Variants in SUPT4H1 observed in about 807,000 individuals in gnomAD.
SUPT4H1 encodes the protein transcription elongation factor SPT4.
Under a neutral mutation model 19.4 loss-of-function variants are expected in SUPT4H1, and 12 were observed. That is an observed-to-expected ratio of 0.62 (90% CI 0.40 to 1.00). SUPT4H1 has a LOEUF of 1.00. Among genes scored for constraint, SUPT4H1 ranks in the 50% least tolerant of loss-of-function variants. The pLI is 0.00. For missense variants in SUPT4H1, 115 were observed against 149.2 expected (o/e 0.77, Z 1.19); for synonymous variants, 58 against 56.3 (o/e 1.03, Z -0.14).
At chr17:58,347,947 G>T (rs960700071) in intron 2 of SUPT4H1, among the ~76,000 whole-genome samples, 1 of 152,186 alleles carries the variant, frequency 6.6e-6, no homozygotes, top group African/African-American at 2.4e-5. Context: ...GAGGGTGAGT[G>T]AAAACAACGG....
In SUPT4H1 at chr17:58,352,175, C is replaced by T. The variant is rs375135052; in HGVS notation, c.-40G>A. 1.1e-5 allele frequency: 18 copies of T among 1,597,486 alleles called. No individual in the cohort carries two copies. Among genetic ancestry groups the T allele is most frequent in the Non-Finnish European group, 1.4e-5 (16 of 1,165,366 alleles). On this transcript the variant is annotated 5_prime_UTR_variant, in exon 1 of 5. The change creates a new upstream start codon in the 5' untranslated region. Coordinates refer to ENST00000225504, the MANE Select transcript of SUPT4H1 (RefSeq NM_003168.3). ...AGAACAACAGGGAGATAGACGACCA[C>T]AGCCTGTGCACCCGCAGGAAGTAAA...
At chr17:58,346,372 C>A in intron 4 of SUPT4H1, 59 bp from the exon 5 acceptor site, 2 of 1,433,664 alleles carry the variant, frequency 1.4e-6, no homozygotes, top group African/African-American at 2.8e-5. Flanking sequence ...AGATAGGCCA[C>A]TCAGCTGCCA....
chr17:58,351,438 T>A lies in SUPT4H1; in HGVS notation c.140A>T (p.Glu47Val). Reference protein sequence around the residue: ...DAYLQMKGNREMVYDCTSSSF... With the variant: ...DAYLQMKGNRVMVYDCTSSSF... ...AGAGCTAGTGCAGTCATATACCATC[T>A]CTCGGTTACCCTTCATTTGTAGATA... Residue 47 changes from glutamate to valine, a missense_variant, in exon 2 of 5, where the codon GAG becomes GTG. By Grantham distance (121) the Glu-to-Val change is moderately radical. Transcript: ENST00000225504. The A allele has an allele frequency of 6.2e-7, 1 of 1,613,932 alleles. No homozygotes were observed. Among genetic ancestry groups the A allele is most frequent in the Middle Eastern group, 1.7e-4 (1 of 6,046 alleles).
intron 2 of SUPT4H1, 147 bp downstream of exon 2, chr17:58,351,255 A>C (rs1248952820): frequency 7.3e-6 from 2 of 274,024 alleles, no homozygotes; most frequent in Non-Finnish European, 1.3e-5. Context: ...CTGATTCAAA[A>C]AAAAAAAAAA....
chr17:58,349,793 G>C (rs1354536118), intron 2 of SUPT4H1, among the ~76,000 whole-genome samples: 2 of 152,148 alleles, frequency 1.3e-5, no homozygotes, highest in East Asian at 3.8e-4. Context: ...AAATGCTACT[G>C]AATGAGCCCA....
At chr17:58,348,603 A>T (rs553672703) in intron 2 of SUPT4H1, among the ~76,000 whole-genome samples, 2 of 152,306 alleles carry the variant, frequency 1.3e-5, no homozygotes, top group South Asian at 4.1e-4. Context: ...GGGTCCCTAC[A>T]GCCCAACCTT....
chr17:58,351,572 T>A (rs1192745678), intron 1 of SUPT4H1, 64 bp from the exon 2 acceptor site: 3 of 1,187,952 alleles, frequency 2.5e-6, no homozygotes, highest in African/African-American at 3.0e-5. Context: ...AGAGAAAAAG[T>A]AGCTTTCTCA....
rs1407495200 is a variant in SUPT4H1, at chr17:58,346,153, G to C, written c.*93C>G. On this transcript the variant is annotated 3_prime_UTR_variant, in exon 5 of 5. Coordinates refer to ENST00000225504, the MANE Select transcript of SUPT4H1 (RefSeq NM_003168.3). ...CAGCTGAGTCTGAATTGGAGGGTAG[G>C]AAGTATTTGAAGTTCTGTTCATTTA... is the stretch of plus-strand genomic sequence containing the variant. 9 of 991,976 alleles carry C rather than the reference G, an allele frequency of 9.1e-6. No homozygotes were observed. The highest frequency in any genetic ancestry group is 1.6e-5 in the African/African-American group (1 of 62,860). The allele number at this position is 991,976 out of a possible 1,614,324, so 61.4% of individuals were successfully genotyped here. A position where few individuals can be genotyped will look rare whatever the true frequency, so the allele number is the denominator to read the frequency against.
intron 2 of SUPT4H1, 143 bp from the exon 3 acceptor site, chr17:58,347,727 T>C (rs1228380289): frequency 1.3e-6 from 1 of 770,494 alleles, no homozygotes; most frequent in Non-Finnish European, 2.2e-6. Context: ...GGGATGAGGC[T>C]GACTCAAAGC....
At chr17:58,347,439 A>T (rs1190642165) in intron 3 of SUPT4H1, 90 bp downstream of exon 3, 1 of 1,501,030 alleles carries the variant, frequency 6.7e-7, no homozygotes, top group African/African-American at 1.4e-5. Flanking sequence ...CCCTGAGGTC[A>T]CTCATCTTGC....
At chr17:58,347,941 G>C (rs1972352387) in intron 2 of SUPT4H1, among the ~76,000 whole-genome samples, 1 of 152,192 alleles carries the variant, frequency 6.6e-6, no homozygotes, top group South Asian at 2.1e-4. Context: ...AAAGAGGAGG[G>C]TGAGTGAAAA....
chr17:58,351,607 G>GT, intron 1 of SUPT4H1, 99 bp from the exon 2 acceptor site: 2 of 800,246 alleles, frequency 2.5e-6, no homozygotes, highest in Non-Finnish European at 4.2e-6. Context: ...TCAATTTCTT[G>GT]TTTCCCTATG....
chr17:58,347,128 TAAAA>T, intron 4 of SUPT4H1, 56 bp downstream of exon 4: 1 of 1,525,830 alleles, frequency 6.6e-7, no homozygotes, highest in Non-Finnish European at 9.1e-7. Context: ...TTAATTCAGA[TAAAA>T]AAACTTCCAC....
At chr17:58,348,280 G>A (rs896718683) in intron 2 of SUPT4H1, among the ~76,000 whole-genome samples, 1 of 152,106 alleles carries the variant, frequency 6.6e-6, no homozygotes, top group Non-Finnish European at 1.5e-5. Flanking sequence ...GTCATTCAAC[G>A]CATTCAATCA....
rs1972278218 is a variant in SUPT4H1 at position 58,346,074 on chromosome 17, C to A, written c.*172G>T. ...ACCAACCCAAATCCCTCCCACCCCA[C>A]CTGTAGTCCAAAGAAGATAAAATGA... On this transcript the variant is annotated 3_prime_UTR_variant, in exon 5 of 5. Coordinates refer to ENST00000225504, the MANE Select transcript of SUPT4H1 (RefSeq NM_003168.3). The A allele has an allele frequency of 1.7e-6, 1 of 585,246 alleles. No individual in the cohort carries two copies. Among genetic ancestry groups the A allele is most frequent in the Non-Finnish European group, 3.1e-6 (1 of 326,634 alleles). The allele number at this position is 585,246 out of a possible 1,614,324, so 36.3% of individuals were successfully genotyped here. A position where few individuals can be genotyped will look rare whatever the true frequency, so the allele number is the denominator to read the frequency against.
chr17:58,346,993 T>C (rs1006494826), intron 4 of SUPT4H1, among the ~76,000 whole-genome samples, 195 bp downstream of exon 4: 7 of 152,166 alleles, frequency 4.6e-5, no homozygotes, highest in African/African-American at 1.7e-4. Flanking sequence ...GGAGCCAGAA[T>C]GCCTGGATTC....
rs1972251224 is a variant in SUPT4H1 at position 58,345,458 on chromosome 17, T to TA, written c.*787dup. ...TACTAGGCCGGAGGAGAAAAGGACC[T>TA]ACCTCCTACAGGGGCACAAACAAGG... On this transcript the variant is annotated 3_prime_UTR_variant, in exon 5 of 5. Coordinates refer to ENST00000225504, the MANE Select transcript of SUPT4H1 (RefSeq NM_003168.3). 1 of 152,000 alleles carries TA rather than the reference T, an allele frequency of 6.6e-6. No individual in the cohort carries two copies. The highest frequency in any genetic ancestry group is 1.5e-5 in the Non-Finnish European group (1 of 67,952). 9.4% of individuals were successfully genotyped at this position (152,000 alleles called of 1,614,324 possible).
At chr17:58,346,717 T>TGA (rs1598109322) in intron 4 of SUPT4H1, among the ~76,000 whole-genome samples, 1 of 32,722 alleles carries the variant, frequency 3.1e-5, no homozygotes, top group Non-Finnish European at 6.6e-5. Context: ...AGACTCTGTC[T>TGA]CAAAAAAAAA....
chr17:58,351,397 C>T lies in SUPT4H1; in HGVS notation c.176+5G>A. On this transcript the variant is annotated splice_donor_5th_base_variant and intron_variant, in intron 2 of 4. Coordinates refer to ENST00000225504, the MANE Select transcript of SUPT4H1 (RefSeq NM_003168.3). ...AAGTGAATGATGGAAACTGAAGCGG[C>T]TTACCCATCAAAGGAAGAGCTAGTG... 6.2e-7 allele frequency: 1 copy of T among 1,602,530 alleles called. No individual in the cohort carries two copies. Among genetic ancestry groups the T allele is most frequent in the Non-Finnish European group, 8.5e-7 (1 of 1,170,422 alleles).
Sources: allele counts gnomAD v4.1 joint callset (sites outside exome capture counted in the v4.1 genomes callset), GRCh38; gene constraint gnomAD v4.1.1; transcripts MANE v1.5; gene names NCBI Gene and HGNC (gene_info 2026-07-23, HGNC 2026-07-21).